The following ZFHX3 variants were observed in gnomAD, a reference collection of about 807,000 sequenced individuals.
The protein encoded by ZFHX3 is zinc finger homeobox 3, also known as zinc finger homeobox protein 3.
A neutral mutation model predicts 279.1 loss-of-function variants in ZFHX3; 42 were observed. That is an observed-to-expected ratio of 0.15 (90% confidence interval 0.12 to 0.19). The LOEUF (loss-of-function observed/expected upper bound fraction) is 0.19, where lower values mean the gene tolerates loss of function less well. ZFHX3 is among the 10% of genes least tolerant of loss of function. ZFHX3 has a pLI of 1.00. For missense variants in ZFHX3, 4,981 were observed against 4,754.0 expected (o/e 1.05, Z -1.40); for synonymous variants, 2,293 against 1,957.8 (o/e 1.17, Z -4.52).
At chr16:73,103,512 A>T (rs969879673) in intron 7 of ZFHX3, among the ~76,000 whole-genome samples, 4 of 152,184 alleles carry the variant, frequency 2.6e-5, no homozygotes, top group Admixed American at 2.0e-4. Flanking sequence ...CCTTATTTCC[A>T]TAGCTCTCTG....
intron 3 of ZFHX3, among the ~76,000 whole-genome samples, chr16:73,428,915 G>T (rs1487231290): frequency 6.6e-6 from 1 of 152,074 alleles, no homozygotes; most frequent in East Asian, 1.9e-4. Context: ...AGTGAATACT[G>T]CAGGGGCCTC....
chr16:73,517,825 G>C lies in ZFHX3; in HGVS notation c.-1546-61567C>G, dbSNP rs570566632. On this transcript the variant is annotated intron_variant, in intron 2 of 17. Coordinates refer to the ZFHX3 transcript ENST00000641206. ...CTCAGTTGCTCAGGTCTAAAGCAGTGTTTTCTAACAGAAATATCACGTGAG... is the reference window on the plus strand; with the variant it reads ...CTCAGTTGCTCAGGTCTAAAGCAGTCTTTTCTAACAGAAATATCACGTGAG... Among the ~76,000 whole-genome samples, 18 of 152,176 alleles carry C rather than the reference G, an allele frequency of 1.2e-4. No homozygotes were observed. The South Asian group carries it at 3.1e-3, about 26-fold the overall frequency.
chr16:73,588,549 G>C (rs901800089), intron 2 of ZFHX3, among the ~76,000 whole-genome samples: 1 of 151,784 alleles, frequency 6.6e-6, no homozygotes, highest in Admixed American at 6.6e-5. Context: ...TATTAGCCGG[G>C]TGTGGTGGTG....
intron 1 of ZFHX3, among the ~76,000 whole-genome samples, chr16:73,023,293 T>C (rs530873828): frequency 5.9e-4 from 90 of 152,162 alleles, no homozygotes; most frequent in Non-Finnish European, 1.0e-3. Context: ...AGGCTAGGTT[T>C]TGCCTACAAG....
intron 1 of ZFHX3, among the ~76,000 whole-genome samples, chr16:73,754,228 C>G (rs2053786563): frequency 6.6e-6 from 1 of 152,180 alleles, no homozygotes; most frequent in South Asian, 2.1e-4. Context: ...AAAACGTCCG[C>G]AGCCTGATCT....
intron 1 of ZFHX3, among the ~76,000 whole-genome samples, chr16:73,733,136 G>A (rs1046265233): frequency 6.6e-6 from 1 of 152,158 alleles, no homozygotes; most frequent in Non-Finnish European, 1.5e-5. Context: ...TATTTCTCAA[G>A]AAAGTTAATA....
rs1283722789 is a variant in ZFHX3 at position 72,785,029 on chromosome 16, C to G, written c.*2135G>C. On this transcript the variant is annotated 3_prime_UTR_variant, in exon 10 of 10. Transcript: ENST00000268489. The stretch of plus-strand genomic sequence containing the variant: ...GAAGCCCGAAAGGTGACCAATGGAA[C>G]CTGTATTCACAGTCTTCAAAGTTCC... 1 of 152,582 alleles carries G rather than the reference C, an allele frequency of 6.6e-6. No individual in the cohort carries two copies. The highest frequency in any genetic ancestry group is 1.5e-5 in the Non-Finnish European group (1 of 68,044). The allele number at this position is 152,582 out of a possible 1,614,324, so 9.5% of individuals were successfully genotyped here.
At chr16:72,946,807 G>C (rs576925085) in intron 3 of ZFHX3, among the ~76,000 whole-genome samples, 2 of 152,358 alleles carry the variant, frequency 1.3e-5, no homozygotes, top group South Asian at 4.1e-4. Context: ...GGAGAAGATT[G>C]AGAGTGGGGC....
intron 1 of ZFHX3, among the ~76,000 whole-genome samples, chr16:72,988,868 G>T (rs4788686): frequency 0.043 from 6,560 of 152,254 alleles, 147 homozygotes; most frequent in Middle Eastern, 0.068. Context: ...TGATGAGGAA[G>T]CAGGCAATGA....
At chr16:73,051,827 T>A (rs986593308), upstream of ZFHX3, among the ~76,000 whole-genome samples, 58 of 152,154 alleles carry the variant, frequency 3.8e-4, no homozygotes, top group Admixed American at 2.4e-3. Context: ...TCCTTCTTTT[T>A]TAAACAAAAA....
chr16:73,759,304 C>T (rs539322111), intron 1 of ZFHX3, among the ~76,000 whole-genome samples: 17 of 152,326 alleles, frequency 1.1e-4, no homozygotes, highest in African/African-American at 3.8e-4. Flanking sequence ...TGCACCATCA[C>T]ATTCTGCCAG....
At chr16:73,748,718 T>C (rs1597093486) in intron 1 of ZFHX3, among the ~76,000 whole-genome samples, 3 of 152,208 alleles carry the variant, frequency 2.0e-5, no homozygotes, top group African/African-American at 7.2e-5. Context: ...CTTGGTCTTA[T>C]AGAAAAAATG....
At chr16:73,439,391 C>T (rs2018048098) in intron 3 of ZFHX3, among the ~76,000 whole-genome samples, 1 of 152,074 alleles carries the variant, frequency 6.6e-6, no homozygotes, top group Non-Finnish European at 1.5e-5. Flanking sequence ...TTGCAACTGA[C>T]CTTCATCTTG....
chr16:73,455,727 TTGC>T (rs1290056905), intron 3 of ZFHX3, among the ~76,000 whole-genome samples: 1 of 89,228 alleles, frequency 1.1e-5, no homozygotes, highest in Non-Finnish European at 2.7e-5. Flanking sequence ...TTTTAAAATA[TTGC>T]TTTTTTTTTT....
intron 2 of ZFHX3, among the ~76,000 whole-genome samples, chr16:73,481,611 G>T (rs563347477): frequency 3.3e-4 from 48 of 146,584 alleles, no homozygotes; most frequent in East Asian, 8.6e-4. Context: ...AATGTGCGTG[G>T]TGTTGTTTTT....
intron 3 of ZFHX3, among the ~76,000 whole-genome samples, chr16:72,917,751 A>T (rs1325329790): frequency 6.6e-6 from 1 of 152,236 alleles, no homozygotes; most frequent in Non-Finnish European, 1.5e-5. Flanking sequence ...CTTGGTAGTG[A>T]AATTAGGGAT....
chr16:73,194,896 A>G (rs1470061435), intron 5 of ZFHX3, among the ~76,000 whole-genome samples: 2 of 152,216 alleles, frequency 1.3e-5, no homozygotes, highest in Admixed American at 1.3e-4. Flanking sequence ...TTTAAGTTTT[A>G]TGAAGAACTC....
chr16:73,103,845 C>T (rs1966261194), intron 7 of ZFHX3, among the ~76,000 whole-genome samples: 1 of 152,154 alleles, frequency 6.6e-6, no homozygotes, highest in South Asian at 2.1e-4. Flanking sequence ...TCATCATCTT[C>T]CTAGATCTTC....
At chr16:73,603,744 TG>T (rs2143867129) in intron 2 of ZFHX3, among the ~76,000 whole-genome samples, 1 of 150,018 alleles carries the variant, frequency 6.7e-6, no homozygotes, top group East Asian at 1.9e-4. Context: ...TCAATATGCT[TG>T]TTAAAAATAC....
Sources: gnomAD v4.1 joint callset for allele counts (sites outside exome capture counted in the v4.1 genomes callset) on GRCh38, gnomAD v4.1.1 for gene constraint, MANE v1.5 for transcripts, NCBI Gene and HGNC (gene_info 2026-07-23, HGNC 2026-07-21) for gene names.